Variants in RPL39 observed in about 807,000 individuals in gnomAD.
RPL39 encodes large ribosomal subunit protein eL39.
For synonymous variants in RPL39, 8 were observed against 11.4 expected, an observed-to-expected ratio of 0.70 and a Z score of 0.60; for missense variants, 6 against 37.2, an observed-to-expected ratio of 0.16 and a Z score of 2.18.
At chrX:119,786,980 A>G (rs1378830026) in intron 2 of RPL39, among the ~76,000 whole-genome samples, 3 of 112,488 alleles carry the variant, frequency 2.7e-5, no homozygotes, top group Non-Finnish European at 1.9e-5. Context: ...GTAGTGGCGA[A>G]GCCCACTCTC....
At chrX:119,787,842 C>A (rs188462861) in intron 2 of RPL39, among the ~76,000 whole-genome samples, 1 of 110,328 alleles carries the variant, frequency 9.1e-6, no homozygotes, top group African/African-American at 3.3e-5. Context: ...TAGAGATGGA[C>A]GGGGGTGGTC....
At chrX:119,789,616 C>G (rs1365814530) in intron 2 of RPL39, among the ~76,000 whole-genome samples, 1 of 112,094 alleles carries the variant, frequency 8.9e-6, no homozygotes, top group Admixed American at 9.5e-5. Flanking sequence ...CTGGGTCTTC[C>G]CCACCAGGAT....
At chrX:119,788,703 A>G (rs1205453940) in intron 2 of RPL39, among the ~76,000 whole-genome samples, 1 of 110,411 alleles carries the variant, frequency 9.1e-6, no homozygotes, top group African/African-American at 3.3e-5. Flanking sequence ...CCTGGGTGAG[A>G]GAGCGACTGC....
chrX:119,787,272 C>A (rs1371834211), intron 2 of RPL39: 1 of 325,351 alleles, frequency 3.1e-6, no homozygotes, highest in Non-Finnish European at 5.9e-6. Flanking sequence ...CAGGCATGAG[C>A]CACTGCACCT....
intron 1 of RPL39, 127 bp downstream of exon 1, chrX:119,791,447 A>G (rs1448729845): frequency 1.6e-6 from 1 of 609,713 alleles, no homozygotes; most frequent in Non-Finnish European, 2.3e-6. Context: ...GCCGAACTGG[A>G]TATTTTCTTG....
At chrX:119,787,456 A>G (rs1466797582) in intron 2 of RPL39, 1 of 373,976 alleles carries the variant, frequency 2.7e-6, no homozygotes, top group Admixed American at 2.6e-5. Flanking sequence ...ACTTCCACAA[A>G]ATGAAGCACT....
At chrX:119,787,144 A>G (rs1436171144) in intron 2 of RPL39, 1 of 245,081 alleles carries the variant, frequency 4.1e-6, no homozygotes, top group Non-Finnish European at 7.5e-6. Context: ...CCACCCAGCT[A>G]ATTTTTGTAT....
chrX:119,791,543 C>G (rs754179686), intron 1 of RPL39, 31 bp downstream of exon 1: 29 of 1,140,816 alleles, frequency 2.5e-5, no homozygotes, highest in Non-Finnish European at 3.3e-5. Context: ...TGGGAAGCCA[C>G]CCCGGGGCCG....
chrX:119,790,245 C>A (rs1469865094), intron 1 of RPL39: 1 of 308,127 alleles, frequency 3.2e-6, no homozygotes, highest in Non-Finnish European at 5.8e-6. Context: ...AAGAAACATG[C>A]ACAAAATCAG....
At chrX:119,787,205 T>A in intron 2 of RPL39, 1 of 271,229 alleles carries the variant, frequency 3.7e-6, no homozygotes, top group Non-Finnish European at 6.9e-6. Context: ...CAGGCTGGTC[T>A]CGAACTGGCT....
intron 2 of RPL39, among the ~76,000 whole-genome samples, chrX:119,789,703 T>G (rs2055688972): frequency 8.9e-6 from 1 of 112,752 alleles, no homozygotes; most frequent in African/African-American, 3.2e-5. Flanking sequence ...ATTGGAGAAT[T>G]ATCTGCCCAT....
Position 119,791,604 on chromosome X carries a change from A to C in RPL39, c.-28T>G. ...CGAGCAGCGGAGTCAAGAACACACC[A>C]CGATGGCGGAGAAAGGAAGAGGAGG... On this transcript the variant is annotated 5_prime_UTR_variant, in exon 1 of 3. Transcript: ENST00000361575. The C allele has an allele frequency of 8.6e-7, 1 of 1,165,747 alleles. No homozygotes were observed. The highest frequency in any genetic ancestry group is 1.1e-6 in the Non-Finnish European group (1 of 871,143).
intron 1 of RPL39, chrX:119,791,291 G>C (rs2055699569): frequency 3.6e-6 from 1 of 279,598 alleles, no homozygotes; most frequent in African/African-American, 2.8e-5. Context: ...CGCTACAAGC[G>C]AAGGGAAACC....
intron 2 of RPL39, 75 bp downstream of exon 2, chrX:119,789,833 C>T: frequency 1.8e-6 from 1 of 565,804 alleles, no homozygotes; most frequent in Non-Finnish European, 3.1e-6. Context: ...TGTATTTATA[C>T]TCAAAAAGTA....
chrX:119,791,430 A>G, intron 1 of RPL39, 144 bp downstream of exon 1: 1 of 516,974 alleles, frequency 1.9e-6, no homozygotes, highest in Non-Finnish European at 2.8e-6. Flanking sequence ...CACGAAAGAC[A>G]ACAGTGGCCG....
At chrX:119,791,008 C>T in intron 1 of RPL39, 1 of 121,873 alleles carries the variant, frequency 8.2e-6, no homozygotes, top group East Asian at 2.8e-4. Context: ...CTAAGAAGGC[C>T]AGAATGACAC....
chrX:119,791,561 C>A lies in RPL39; in HGVS notation c.3+13G>T, dbSNP rs753134320. On this transcript the variant is annotated intron_variant, in intron 1 of 2. Coordinates refer to ENST00000361575, the MANE Select transcript of RPL39 (RefSeq NM_001000.4). ...GAAGCCACCCCGGGGCCGATGGGGG[C>A]CGATGGACTTACCATGGCGAGCAGC... 2.6e-6 allele frequency: 3 copies of A among 1,169,770 alleles called. No individual in the cohort carries two copies. The Admixed American group carries it at 7.2e-5, about 28-fold the overall frequency.
chrX:119,789,895 A>T lies in RPL39; in HGVS notation c.107+13T>A, dbSNP rs749292032. 7.9e-6 allele frequency: 8 copies of T among 1,009,626 alleles called. No homozygotes were observed. The highest frequency in any genetic ancestry group is 1.9e-5 in the African/African-American group (1 of 53,386). 83.2% of individuals were successfully genotyped at this position (1,009,626 alleles called of 1,213,427 possible). On this transcript the variant is annotated intron_variant, in intron 2 of 2. Coordinates refer to ENST00000361575, the MANE Select transcript of RPL39 (RefSeq NM_001000.4). ...CATTTAGCAAAATACAAGCAGTATG[A>T]TGGAGGTCTTACCTGATTTTATTTC...
At chrX:119,789,848 TG>T in intron 2 of RPL39, 59 bp downstream of exon 2, 1 of 635,378 alleles carries the variant, frequency 1.6e-6, no homozygotes, top group Non-Finnish European at 2.6e-6. Flanking sequence ...AAAGTAACCC[TG>T]GCCAGACACA....
Sources: gnomAD v4.1 joint callset for allele counts (sites outside exome capture counted in the v4.1 genomes callset) on GRCh38, gnomAD v4.1.1 for gene constraint, MANE v1.5 for transcripts, NCBI Gene and HGNC (gene_info 2026-07-23, HGNC 2026-07-21) for gene names.